The following GUF1 variants were observed in gnomAD, a reference collection of about 807,000 sequenced individuals.
The protein encoded by GUF1 is translation factor GUF1, mitochondrial.
A neutral mutation model predicts 82.4 loss-of-function variants in GUF1; 78 were observed. The observed-to-expected ratio is 0.95, with a 90% CI of 0.79 to 1.14. GUF1 has a LOEUF of 1.14. Among genes scored for constraint, GUF1 ranks in the 50% most tolerant of loss-of-function variants. The pLI is 0.00. For synonymous variants in GUF1, 279 were observed against 282.3 expected (o/e 0.99, Z 0.12); for missense variants, 814 against 798.2 (o/e 1.02, Z -0.24).
At chr4:44,695,919 G>A (rs554173593) in intron 15 of GUF1, among the ~76,000 whole-genome samples, 185 bp downstream of exon 15, 1 of 152,154 alleles carries the variant, frequency 6.6e-6, no homozygotes, top group Non-Finnish European at 1.5e-5. Context: ...TTATATAACA[G>A]CACTGGGTGA....
chr4:44,682,397 C>A lies in GUF1; in HGVS notation c.571C>A (p.Pro191Thr). 6.6e-7 allele frequency: 1 copy of A among 1,516,978 alleles called. No individual in the cohort carries two copies. The highest frequency in any genetic ancestry group is 8.8e-7 in the Non-Finnish European group (1 of 1,132,880). 94.0% of individuals were successfully genotyped at this position (1,516,978 alleles called of 1,614,324 possible). A position where few individuals can be genotyped will look rare whatever the true frequency, so the allele number is the denominator to read the frequency against. ...LAFEAQLSVIPVINKIDLKNA... is the reference protein window; with the variant it reads ...LAFEAQLSVITVINKIDLKNA... ...CTTCGAAGCACAGCTATCGGTAATTCCAGTTATAAATAAGGTAATTACAAT... is the reference window on the plus strand; with the variant it reads ...CTTCGAAGCACAGCTATCGGTAATTACAGTTATAAATAAGGTAATTACAAT... Residue 191 changes from proline to threonine, a missense_variant, in exon 5 of 17, where the codon CCA becomes ACA. By Grantham distance (38) the Pro-to-Thr change is conservative. Coordinates refer to ENST00000281543, the MANE Select transcript of GUF1 (RefSeq NM_021927.3).
chr4:44,689,881 A>C lies in GUF1; in HGVS notation c.1241A>C (p.Asn414Thr). 6.2e-7 allele frequency: 1 copy of C among 1,606,156 alleles called. No homozygotes were observed. The highest frequency in any genetic ancestry group is 8.5e-7 in the Non-Finnish European group (1 of 1,174,694). The stretch of plus-strand genomic sequence containing the variant: ...GGACTTTTGCACATGGAAGTTTTCA[A>C]CCAGCGACTGGAGCAAGAATATAAT... ...FLGLLHMEVF[N>T]QRLEQEYNAS... The change falls in exon 11 of 17, where the codon AAC becomes ACC. Residue 414 changes from asparagine to threonine, a missense_variant. Coordinates refer to ENST00000281543, the MANE Select transcript of GUF1 (RefSeq NM_021927.3).
intron 15 of GUF1, 130 bp downstream of exon 15, chr4:44,695,864 C>T (rs527688019): frequency 3.5e-6 from 3 of 868,094 alleles, no homozygotes; most frequent in Admixed American, 2.7e-5. Context: ...TATGATGGTG[C>T]TCTCCAGTTT....
intron 9 of GUF1, 71 bp from the exon 10 acceptor site, chr4:44,689,215 C>T (rs1384269469): frequency 1.1e-5 from 15 of 1,318,562 alleles, no homozygotes; most frequent in African/African-American, 1.5e-5. Context: ...AACTTGGCAG[C>T]ACTACACATG....
At chr4:44,692,266 T>A (rs952418025) in intron 13 of GUF1, among the ~76,000 whole-genome samples, 3 of 151,996 alleles carry the variant, frequency 2.0e-5, no homozygotes, top group Non-Finnish European at 2.9e-5. Context: ...CTTAGTCTTT[T>A]GAGGAACAGG....
At chr4:44,687,917 T>G in intron 8 of GUF1, 90 bp from the exon 9 acceptor site, 1 of 1,174,110 alleles carries the variant, frequency 8.5e-7, no homozygotes, top group Non-Finnish European at 1.2e-6. Context: ...GGAAAGTGTA[T>G]GATAGTTTCC....
chr4:44,695,184 C>T lies in GUF1; in HGVS notation c.1716-431C>T, dbSNP rs557071973. Among the ~76,000 whole-genome samples the T allele has an allele frequency of 3.3e-5, 5 of 152,196 alleles. No homozygotes were observed. In the South Asian group the frequency reaches 1.0e-3, roughly 32 times the overall value. On this transcript the variant is annotated intron_variant, in intron 14 of 16. Coordinates refer to ENST00000281543, the MANE Select transcript of GUF1 (RefSeq NM_021927.3). ...ATTGGTTAAAATGAATTACAAAGCA[C>T]CCATATTGTTATTTTCAGCCATTAA...
At position 44,690,938 on chromosome 4, in the gene GUF1, G is replaced by A. The variant is rs964576963; in HGVS notation, c.1479+78G>A. On this transcript the variant is annotated intron_variant, in intron 12 of 16. Coordinates refer to ENST00000281543, the MANE Select transcript of GUF1 (RefSeq NM_021927.3). ...GTGATTTCCAACTCAGGTTTTAAAA[G>A]ATTTCTTTCTGCTGAGCATACTGAA... 109 of 1,064,920 alleles carry A rather than the reference G, an allele frequency of 1.0e-4. No individual in the cohort carries two copies. The African/African-American group carries it at 1.6e-3, about 15-fold the overall frequency. The allele number at this position is 1,064,920 out of a possible 1,614,324, so 66.0% of individuals were successfully genotyped here.
chr4:44,697,541 C>A, intron 16 of GUF1, 97 bp downstream of exon 16: 1 of 597,220 alleles, frequency 1.7e-6, no homozygotes, highest in Non-Finnish European at 2.8e-6. Flanking sequence ...GGTTTTTATA[C>A]ATTCTTTGTT....
intron 14 of GUF1, among the ~76,000 whole-genome samples, chr4:44,694,833 A>C (rs1290474156): frequency 2.0e-5 from 3 of 151,092 alleles, no homozygotes; most frequent in Non-Finnish European, 4.4e-5. Flanking sequence ...TTTAGATGGG[A>C]GTCTCATTCT....
chr4:44,680,930 G>A (rs1458974571), intron 3 of GUF1, 88 bp downstream of exon 3: 1 of 1,229,716 alleles, frequency 8.1e-7, no homozygotes, highest in Non-Finnish European at 1.2e-6. Flanking sequence ...TTTGAACTGA[G>A]TATTAAACAT....
intron 15 of GUF1, 27 bp downstream of exon 15, chr4:44,695,761 G>C: frequency 6.2e-7 from 1 of 1,603,072 alleles, no homozygotes; most frequent in Non-Finnish European, 8.5e-7. Flanking sequence ...TTTTGGTCTT[G>C]AGCCAGTTTC....
At chr4:44,679,700 C>G (rs558639838) in intron 1 of GUF1, among the ~76,000 whole-genome samples, 1 of 151,860 alleles carries the variant, frequency 6.6e-6, no homozygotes, top group Non-Finnish European at 1.5e-5. Context: ...ACAAAGCTCA[C>G]GTGAATTTTA....
At position 44,697,462 on chromosome 4, in the gene GUF1, T is replaced by C. The variant is rs763052309; in HGVS notation, c.1872+18T>C. On this transcript the variant is annotated intron_variant, in intron 16 of 16. Transcript: ENST00000281543. ...CAAAATGTGTATGTATCTAGTTGTATTTATTCTACTTTATAACTTTTATGG... is the reference window on the plus strand; with the variant it reads ...CAAAATGTGTATGTATCTAGTTGTACTTATTCTACTTTATAACTTTTATGG... 2 of 1,342,960 alleles carry C rather than the reference T, an allele frequency of 1.5e-6. No individual in the cohort carries two copies. The highest frequency in any genetic ancestry group is 4.8e-5 in the East Asian group (2 of 41,454). 83.2% of individuals were successfully genotyped at this position (1,342,960 alleles called of 1,614,324 possible).
intron 6 of GUF1, 36 bp from the exon 7 acceptor site, chr4:44,685,917 CTTAACT>C: frequency 7.2e-7 from 1 of 1,387,636 alleles, no homozygotes; most frequent in Non-Finnish European, 1.0e-6. Context: ...AAAGTATAGT[CTTAACT>C]TTAAATGCTT....
intron 6 of GUF1, among the ~76,000 whole-genome samples, chr4:44,685,115 TA>T (rs1427128378): frequency 6.6e-6 from 1 of 152,096 alleles, no homozygotes; most frequent in African/African-American, 2.4e-5. Context: ...CAGCATCAAG[TA>T]GTATATTCAA....
chr4:44,686,282 T>C (rs1715044991), intron 7 of GUF1, among the ~76,000 whole-genome samples: 1 of 151,980 alleles, frequency 6.6e-6, no homozygotes, highest in Non-Finnish European at 1.5e-5. Context: ...CCTCAGTACA[T>C]TGGCAGTTAT....
intron 13 of GUF1, chr4:44,694,080 A>G: frequency 4.0e-6 from 1 of 247,906 alleles, no homozygotes; most frequent in Non-Finnish European, 7.7e-6. Context: ...CATTAATAAT[A>G]TATAGTATTG....
intron 7 of GUF1, among the ~76,000 whole-genome samples, chr4:44,686,302 C>A (rs933404096): frequency 1.3e-5 from 2 of 151,860 alleles, no homozygotes; most frequent in African/African-American, 4.8e-5. Context: ...TTTTCCTTTG[C>A]TTTAAGCTGA....
Sources: allele counts gnomAD v4.1 joint callset (sites outside exome capture counted in the v4.1 genomes callset), GRCh38; gene constraint gnomAD v4.1.1; transcripts MANE v1.5; gene names NCBI Gene and HGNC (gene_info 2026-07-23, HGNC 2026-07-21).